Variants in PTK2 observed in about 807,000 individuals in gnomAD.
PTK2 encodes the protein protein tyrosine kinase 2, also known as focal adhesion kinase 1.
In PTK2, 45 loss-of-function variants were observed where a neutral mutation model predicts 150.1. That is an observed-to-expected ratio of 0.30 (90% CI 0.24 to 0.38). The LOEUF is 0.38. Ranked by LOEUF, PTK2 falls within the 10% of genes least tolerant of loss-of-function variation. The pLI is 1.00. For missense variants in PTK2, 919 were observed against 1,307.3 expected (o/e 0.70, Z 4.58); for synonymous variants, 432 against 449.2 (o/e 0.96, Z 0.48).
intron 11 of PTK2, among the ~76,000 whole-genome samples, chr8:140,801,626 C>A (rs1028394310): frequency 6.6e-6 from 1 of 152,112 alleles, no homozygotes; most frequent in Non-Finnish European, 1.5e-5. Context: ...TTGGCTTCTG[C>A]GTAAAGAACC....
At chr8:140,780,404 G>A (rs1228522557) in intron 14 of PTK2, among the ~76,000 whole-genome samples, 1 of 152,052 alleles carries the variant, frequency 6.6e-6, no homozygotes, top group Non-Finnish European at 1.5e-5. Context: ...GTTGTGGGGA[G>A]GGGGGGAATC....
At chr8:141,001,091 G>T in intron 1 of PTK2, 34 bp downstream of exon 1, 2 of 150,816 alleles carry the variant, frequency 1.3e-5, no homozygotes, top group South Asian at 4.0e-4. Flanking sequence ...CCCAGCCCCC[G>T]ACCCGCGCCC....
rs1358482020 is a variant in PTK2, at chr8:140,746,865, G to T, written c.1418-5C>A. 6.4e-7 allele frequency: 1 copy of T among 1,559,768 alleles called. No individual in the cohort carries two copies. Among genetic ancestry groups the T allele is most frequent in the Non-Finnish European group, 8.7e-7 (1 of 1,144,684 alleles). The stretch of plus-strand genomic sequence containing the variant: ...GGTCAAACTGACGCATTGTTACTAG[G>T]AAAAAAGTTCTCCATAGTTATTCTT... On this transcript the variant is annotated splice_region_variant and splice_polypyrimidine_tract_variant and intron_variant, in intron 17 of 31. Transcript: ENST00000522684.
At chr8:140,914,864 T>C (rs1232394383) in intron 2 of PTK2, among the ~76,000 whole-genome samples, 2 of 151,580 alleles carry the variant, frequency 1.3e-5, no homozygotes, top group Admixed American at 6.6e-5. Flanking sequence ...GGAGGTCTTA[T>C]CTCTACTAAA....
At chr8:140,887,635 C>T (rs1479336652) in intron 3 of PTK2, among the ~76,000 whole-genome samples, 1 of 152,134 alleles carries the variant, frequency 6.6e-6, no homozygotes, top group Non-Finnish European at 1.5e-5. Flanking sequence ...CAGAACACCA[C>T]TGTCCAGCAG....
intron 28 of PTK2, among the ~76,000 whole-genome samples, chr8:140,674,649 G>C (rs191169811): frequency 6.6e-6 from 1 of 152,132 alleles, no homozygotes; most frequent in African/African-American, 2.4e-5. Flanking sequence ...TGAGGCAGGA[G>C]AATCGCTTGA....
chr8:140,787,859 C>A, intron 14 of PTK2, among the ~76,000 whole-genome samples: 1 of 152,290 alleles, frequency 6.6e-6, no homozygotes, highest in East Asian at 1.9e-4. Context: ...AAAGGGCCTG[C>A]GAGTTATTCA....
chr8:140,897,696 A>G (rs1195661196), intron 2 of PTK2, among the ~76,000 whole-genome samples: 1 of 152,174 alleles, frequency 6.6e-6, no homozygotes, highest in East Asian at 1.9e-4. Context: ...TTCTGCTACA[A>G]TGACTATTCT....
At chr8:140,761,553 T>G (rs964695469) in intron 15 of PTK2, among the ~76,000 whole-genome samples, 1 of 152,174 alleles carries the variant, frequency 6.6e-6, no homozygotes, top group African/African-American at 2.4e-5. Flanking sequence ...ATCTATTTGA[T>G]AGTTTTCTAA....
intron 15 of PTK2, among the ~76,000 whole-genome samples, chr8:140,762,081 T>C (rs1399942004): frequency 1.3e-5 from 2 of 152,164 alleles, no homozygotes; most frequent in Non-Finnish European, 2.9e-5. Flanking sequence ...TTATTGCATA[T>C]ATATTCCAGT....
intron 1 of PTK2, among the ~76,000 whole-genome samples, chr8:140,975,214 CTT>C (rs1491583776): frequency 1.3e-5 from 2 of 152,128 alleles, no homozygotes; most frequent in African/African-American, 4.8e-5. Context: ...GGTTGGGTGA[CTT>C]TTCCCCTTCT....
intron 1 of PTK2, 109 bp downstream of exon 1, chr8:141,001,016 C>T (rs1021364051): frequency 2.5e-4 from 38 of 151,694 alleles, no homozygotes; most frequent in African/African-American, 8.5e-4. Context: ...GTTGGGCGGC[C>T]CCGCTCTGCC....
intron 13 of PTK2, 147 bp downstream of exon 13, chr8:140,793,207 G>T: frequency 1.1e-6 from 1 of 911,226 alleles, no homozygotes; most frequent in Non-Finnish European, 1.6e-6. Context: ...ATTTAAAACT[G>T]ACTTGATTTC....
At chr8:140,950,509 C>T (rs146521075) in intron 1 of PTK2, among the ~76,000 whole-genome samples, 318 of 152,374 alleles carry the variant, frequency 2.1e-3, no homozygotes, top group African/African-American at 7.4e-3. Context: ...ACCACATGCT[C>T]ACACACCCAC....
chr8:140,894,857 G>A lies in PTK2; in HGVS notation c.-32-4088C>T, dbSNP rs141749453. Among the ~76,000 whole-genome samples, 948 of 152,234 alleles carry A rather than the reference G, an allele frequency of 6.2e-3. 14 individuals are homozygous for A. The highest frequency in any genetic ancestry group is 0.021 in the African/African-American group (869 of 41,538). On this transcript the variant is annotated intron_variant, in intron 2 of 31. Transcript: ENST00000522684. ...AATACACCCTTATAACTTTTGGTAC[G>A]CTATAGAAGATCTGAAGAGCACGAT...
At chr8:140,927,975 A>AAAAAAATATATAT in intron 1 of PTK2, among the ~76,000 whole-genome samples, 1 of 48,194 alleles carries the variant, frequency 2.1e-5, no homozygotes, top group Non-Finnish European at 3.4e-5. Flanking sequence ...AAAAAAAAAA[A>AAAAAAATATATAT]ATATATATAT....
chr8:140,787,968 A>G (rs998243024), intron 14 of PTK2, among the ~76,000 whole-genome samples: 1 of 152,126 alleles, frequency 6.6e-6, no homozygotes, highest in Non-Finnish European at 1.5e-5. Flanking sequence ...TGACTGTAGC[A>G]TGTGTGGTGG....
chr8:140,880,349 G>A (rs2100148489), intron 3 of PTK2, among the ~76,000 whole-genome samples: 1 of 152,182 alleles, frequency 6.6e-6, no homozygotes, highest in African/African-American at 2.4e-5. Context: ...ATTTCTCCTG[G>A]AGCAATGGAC....
chr8:140,975,826 C>T (rs370605294), intron 1 of PTK2, among the ~76,000 whole-genome samples: 27 of 152,248 alleles, frequency 1.8e-4, no homozygotes, highest in African/African-American at 5.5e-4. Flanking sequence ...CTATAACAGT[C>T]TCACTCCCCC....
Sources: gnomAD v4.1 joint callset for allele counts (sites outside exome capture counted in the v4.1 genomes callset) on GRCh38, gnomAD v4.1.1 for gene constraint, MANE v1.5 for transcripts, NCBI Gene and HGNC (gene_info 2026-07-23, HGNC 2026-07-21) for gene names.